The following OPCML variants were observed in gnomAD, a reference collection of about 807,000 sequenced individuals.
The protein encoded by OPCML is opioid binding protein/cell adhesion molecule like, also known as opioid-binding protein/cell adhesion molecule.
Under a neutral mutation model 37.8 loss-of-function variants are expected in OPCML, and 13 were observed. The ratio of observed to expected loss-of-function variants is 0.34; its 90% CI spans 0.22 to 0.55. The LOEUF is 0.55. Among genes scored for constraint, OPCML ranks in the 20% least tolerant of loss-of-function variants. The pLI is 0.91. For synonymous variants in OPCML, 176 were observed against 168.8 expected (o/e 1.04, Z -0.33); for missense variants, 341 against 435.6 (o/e 0.78, Z 1.93).
At chr11:132,726,325 GC>G (rs1944883134) in intron 2 of OPCML, among the ~76,000 whole-genome samples, 1 of 152,140 alleles carries the variant, frequency 6.6e-6, no homozygotes, top group African/African-American at 2.4e-5. Flanking sequence ...CAAAGGGAAA[GC>G]TTGTGCAGGG....
intron 1 of OPCML, among the ~76,000 whole-genome samples, chr11:133,229,087 C>T (rs1940163862): frequency 6.6e-6 from 1 of 152,100 alleles, no homozygotes; most frequent in African/African-American, 2.4e-5. Context: ...AGAAGCAGGC[C>T]AGGGCATGAA....
chr11:132,802,835 T>C (rs183870197), intron 2 of OPCML, among the ~76,000 whole-genome samples: 7 of 152,096 alleles, frequency 4.6e-5, no homozygotes, highest in Non-Finnish European at 1.0e-4. Context: ...TTTCTGTAGG[T>C]AGATGGGAAA....
At chr11:133,059,875 A>C (rs1948308392) in intron 1 of OPCML, among the ~76,000 whole-genome samples, 1 of 152,236 alleles carries the variant, frequency 6.6e-6, no homozygotes, top group Admixed American at 6.5e-5. Flanking sequence ...AAACCAACTC[A>C]CAGTATCCAC....
At chr11:133,154,902 T>C (rs1471084153) in intron 1 of OPCML, among the ~76,000 whole-genome samples, 1 of 152,204 alleles carries the variant, frequency 6.6e-6, no homozygotes, top group Non-Finnish European at 1.5e-5. Flanking sequence ...CAATTTTTCT[T>C]ATCTCAGAGA....
intron 2 of OPCML, among the ~76,000 whole-genome samples, chr11:132,764,164 C>T (rs898242180): frequency 2.6e-5 from 4 of 152,202 alleles, no homozygotes; most frequent in Non-Finnish European, 5.9e-5. Context: ...CAAAGAAATG[C>T]CTATTACCAG....
chr11:133,510,616 A>C (rs1351099063), intron 1 of OPCML, among the ~76,000 whole-genome samples: 1 of 152,162 alleles, frequency 6.6e-6, no homozygotes, highest in Non-Finnish European at 1.5e-5. Context: ...TGTGTCCTGC[A>C]GTGATTTAGG....
At chr11:132,479,305 C>T (rs548420173) in intron 4 of OPCML, among the ~76,000 whole-genome samples, 5 of 152,190 alleles carry the variant, frequency 3.3e-5, no homozygotes, top group Admixed American at 1.3e-4. Flanking sequence ...CCAAATACTG[C>T]GCTTTTCCGA....
intron 1 of OPCML, among the ~76,000 whole-genome samples, chr11:133,131,712 T>A (rs1157637619): frequency 6.6e-6 from 1 of 152,212 alleles, no homozygotes; most frequent in East Asian, 1.9e-4. Context: ...AACCTGCCCA[T>A]GAATGTTTGC....
intron 2 of OPCML, among the ~76,000 whole-genome samples, chr11:132,931,289 C>T (rs184039116): frequency 5.3e-5 from 8 of 151,838 alleles, no homozygotes; most frequent in Admixed American, 1.3e-4. Context: ...AAAGCACAGA[C>T]GACAAAAGGA....
chr11:133,002,071 G>T (rs779048923), intron 1 of OPCML, among the ~76,000 whole-genome samples: 7 of 151,970 alleles, frequency 4.6e-5, no homozygotes, highest in Non-Finnish European at 8.8e-5. Context: ...GGTTAGACTG[G>T]GATTGACTCT....
intron 2 of OPCML, among the ~76,000 whole-genome samples, chr11:132,798,928 G>A (rs1314417898): frequency 2.0e-5 from 3 of 152,172 alleles, no homozygotes; most frequent in Non-Finnish European, 4.4e-5. Flanking sequence ...TCTCAACTGT[G>A]GGTTCAAAAT....
intron 2 of OPCML, among the ~76,000 whole-genome samples, chr11:132,797,690 A>T (rs1336121764): frequency 6.6e-6 from 1 of 152,272 alleles, no homozygotes; most frequent in East Asian, 1.9e-4. Context: ...TTAATTTAAA[A>T]ATACTTTATT....
In OPCML at chr11:133,507,327, G is replaced by A. The variant is rs147615949; in HGVS notation, c.61+24937C>T. Among the ~76,000 whole-genome samples the A allele has an allele frequency of 8.7e-4, 133 of 152,314 alleles. 1 individual carries two copies. Among genetic ancestry groups the A allele is most frequent in the African/African-American group, 2.9e-3 (119 of 41,570 alleles). On this transcript the variant is annotated intron_variant, in intron 1 of 7. Transcript: ENST00000524381. ...AATGGGTGCAGCCCCAGGCTCCAAGGCAGTGGGCTGGCTGCAATCAATCCC... is the reference window on the plus strand; with the variant it reads ...AATGGGTGCAGCCCCAGGCTCCAAGACAGTGGGCTGGCTGCAATCAATCCC...
intron 3 of OPCML, among the ~76,000 whole-genome samples, chr11:132,653,167 G>A (rs753301859): frequency 1.3e-5 from 2 of 152,014 alleles, no homozygotes; most frequent in South Asian, 4.3e-4. Flanking sequence ...TTCTTTCCGA[G>A]TGGCATAGGA....
intron 2 of OPCML, among the ~76,000 whole-genome samples, chr11:132,906,640 C>T (rs1433514314): frequency 1.3e-5 from 2 of 152,306 alleles, no homozygotes; most frequent in South Asian, 2.1e-4. Flanking sequence ...CTCCTAATAC[C>T]ATTGAAAATG....
chr11:133,248,218 A>T (rs1262649874), intron 1 of OPCML, among the ~76,000 whole-genome samples: 1 of 152,214 alleles, frequency 6.6e-6, no homozygotes, highest in Non-Finnish European at 1.5e-5. Flanking sequence ...AGATTTGAGC[A>T]TGCCCCTTTT....
In OPCML at chr11:133,321,670, C is replaced by T. The variant is rs534058749; in HGVS notation, c.61+210594G>A. On this transcript the variant is annotated intron_variant, in intron 1 of 7. Transcript: ENST00000524381. Reference sequence around the variant, plus strand: ...TCAATATTGCTTCTAACTGCCTGTGCAGCAAATACCCATTTGTCTTATTAC... The same window carrying T: ...TCAATATTGCTTCTAACTGCCTGTGTAGCAAATACCCATTTGTCTTATTAC... 5.9e-5 allele frequency among the ~76,000 whole-genome samples: 9 copies of T among 152,230 alleles called. No individual in the cohort carries two copies. The South Asian group carries it at 1.9e-3, about 32-fold the overall frequency.
intron 1 of OPCML, among the ~76,000 whole-genome samples, chr11:132,956,270 C>CA (rs1945976168): frequency 1.3e-5 from 2 of 152,064 alleles, no homozygotes; most frequent in South Asian, 4.2e-4. Context: ...GTAGCCGTAC[C>CA]ACGTGGCTAA....
chr11:133,002,370 G>A (rs1011447657), intron 1 of OPCML, among the ~76,000 whole-genome samples: 1 of 152,220 alleles, frequency 6.6e-6, no homozygotes, highest in African/African-American at 2.4e-5. Flanking sequence ...AGTCCTTGCT[G>A]ATTAGACAGG....
Sources: gnomAD v4.1 joint callset for allele counts (sites outside exome capture counted in the v4.1 genomes callset) on GRCh38, gnomAD v4.1.1 for gene constraint, MANE v1.5 for transcripts, NCBI Gene and HGNC (gene_info 2026-07-23, HGNC 2026-07-21) for gene names.